The following VAC14 variants were observed in gnomAD, a reference collection of about 807,000 sequenced individuals.
VAC14 encodes the protein VAC14 component of PIKFYVE complex, also known as protein VAC14 homolog.
Under a neutral mutation model 85.3 loss-of-function variants are expected in VAC14, and 47 were observed. The observed-to-expected ratio is 0.55, with a 90% CI of 0.44 to 0.70. The LOEUF (loss-of-function observed/expected upper bound fraction) is 0.70, where lower values mean the gene tolerates loss of function less well. VAC14 is among the 30% of genes least tolerant of loss of function. The pLI is 0.00. For missense variants in VAC14, 861 were observed against 1,004.3 expected (o/e 0.86, Z 1.93); for synonymous variants, 447 against 430.5 (o/e 1.04, Z -0.47).
intron 14 of VAC14, among the ~76,000 whole-genome samples, chr16:70,725,135 C>G (rs947049062): frequency 1.3e-5 from 2 of 152,278 alleles, no homozygotes; most frequent in African/African-American, 4.8e-5. Context: ...TCCATTAGCA[C>G]CAGCACAATG....
chr16:70,731,347 A>C, intron 14 of VAC14, 148 bp downstream of exon 14: 1 of 1,490,996 alleles, frequency 6.7e-7, no homozygotes, highest in Non-Finnish European at 8.9e-7. Flanking sequence ...TGAAGGGGCA[A>C]CCTTCTTCAT....
Position 70,731,132 on chromosome 16 carries a change from G to T in VAC14, c.1661+363C>A, listed in dbSNP as rs183830737. 72 of 313,324 alleles carry T rather than the reference G, an allele frequency of 2.3e-4. No homozygotes were observed. In the East Asian group the frequency reaches 3.6e-3, roughly 15 times the overall value. 19.4% of individuals were successfully genotyped at this position (313,324 alleles called of 1,614,324 possible). On this transcript the variant is annotated intron_variant, in intron 14 of 18. Coordinates refer to ENST00000261776, the MANE Select transcript of VAC14 (RefSeq NM_018052.5). ...CAAGCCTGGCTAAATCCCGCACTGG[G>T]GGCTGGGCCTGGAGCACAGCCCCAT... is the stretch of plus-strand genomic sequence containing the variant.
chr16:70,784,720 C>T, intron 4 of VAC14, 56 bp downstream of exon 4: 1 of 1,521,360 alleles, frequency 6.6e-7, no homozygotes, highest in Non-Finnish European at 9.1e-7. Flanking sequence ...CTAAGCTTTA[C>T]AGACAGACGG....
chr16:70,731,737 G>A, intron 13 of VAC14, 110 bp from the exon 14 acceptor site: 3 of 1,214,808 alleles, frequency 2.5e-6, no homozygotes, highest in Non-Finnish European at 3.3e-6. Context: ...GTGTGTGGGG[G>A]GTGTTATAAC....
chr16:70,710,127 CTGAA>C (rs2142995268), intron 14 of VAC14, among the ~76,000 whole-genome samples: 1 of 152,372 alleles, frequency 6.6e-6, no homozygotes, highest in Admixed American at 6.5e-5. Context: ...CAGGAAGGAA[CTGAA>C]GCCAAGGACT....
Position 70,785,397 on chromosome 16 carries a change from C to T in VAC14, c.423+305G>A, listed in dbSNP as rs117721552. On this transcript the variant is annotated intron_variant, in intron 3 of 18. Coordinates refer to ENST00000261776, the MANE Select transcript of VAC14 (RefSeq NM_018052.5). ...AGGGAAAGTACGGTCTGGATGATGG[C>T]GTCAGCATCATCCCCTTCTACCAGG... Among the ~76,000 whole-genome samples the T allele has an allele frequency of 6.7e-4, 102 of 152,334 alleles. 1 individual carries two copies. The East Asian group carries it at 0.019, about 29-fold the overall frequency.
intron 13 of VAC14, among the ~76,000 whole-genome samples, chr16:70,743,539 C>T (rs907952449): frequency 2.6e-5 from 4 of 152,150 alleles, no homozygotes; most frequent in African/African-American, 9.7e-5. Flanking sequence ...AGCAAGACCA[C>T]GAACCCACCG....
intron 1 of VAC14, among the ~76,000 whole-genome samples, chr16:70,788,308 G>C (rs1465881403): frequency 6.6e-6 from 1 of 152,208 alleles, no homozygotes; most frequent in East Asian, 1.9e-4. Flanking sequence ...CAATCATATG[G>C]AGCACCTATC....
Position 70,762,999 on chromosome 16 carries a change from T to C in VAC14, c.1187A>G (p.His396Arg). The change falls in exon 11 of 19, where the codon CAC (histidine) becomes CGC (arginine). Residue 396 changes from histidine (H) to arginine (R), a missense_variant. Coordinates refer to ENST00000261776, the MANE Select transcript of VAC14 (RefSeq NM_018052.5). The surrounding 1 kb of genome is among the most constrained non-coding windows in gnomAD (Gnocchi z 4.1). The part of the protein sequence containing the change: ...ASTERAPVTL[H>R]LDGIVQVLNC... ...TAGGACCTGCACGATCCCGTCGAGG[T>C]GAAGGGTCACTGGGGCTCTTTCAGT... 6.2e-7 allele frequency: 1 copy of C among 1,614,058 alleles called. No individual in the cohort carries two copies. Among genetic ancestry groups the C allele is most frequent in the Non-Finnish European group, 8.5e-7 (1 of 1,180,012 alleles).
At chr16:70,712,682 C>T (rs2054060642) in intron 14 of VAC14, among the ~76,000 whole-genome samples, 1 of 152,234 alleles carries the variant, frequency 6.6e-6, no homozygotes, top group African/African-American at 2.4e-5. Context: ...GAAGGAAACA[C>T]ACCAAGCTGA....
At chr16:70,749,164 T>C (rs1480339754) in intron 12 of VAC14, among the ~76,000 whole-genome samples, 1 of 152,220 alleles carries the variant, frequency 6.6e-6, no homozygotes, top group African/African-American at 2.4e-5. Flanking sequence ...TTCCAAGATT[T>C]CTGGTCCCAC....
At position 70,772,089 on chromosome 16, in the gene VAC14, G is replaced by A. The variant is rs1328353126; in HGVS notation, c.1160+20C>T. The A allele has an allele frequency of 1.9e-6, 3 of 1,612,952 alleles. No individual in the cohort carries two copies. Among genetic ancestry groups the A allele is most frequent in the Non-Finnish European group, 2.5e-6 (3 of 1,179,214 alleles). On this transcript the variant is annotated intron_variant, in intron 10 of 18. Transcript: ENST00000261776. ...GCCGCTCGCTTTCCACAAACCTTCT[G>A]GCTGAAACAAGCCACTTACCTGGCT...
chr16:70,711,365 C>G (rs530991458), intron 14 of VAC14, among the ~76,000 whole-genome samples: 7 of 152,280 alleles, frequency 4.6e-5, no homozygotes, highest in Non-Finnish European at 7.4e-5. Flanking sequence ...GGGCCTGGCT[C>G]GGCCTTGGAG....
In VAC14 at chr16:70,748,633, C is replaced by A. The variant is rs1001665205; in HGVS notation, c.1372-4054G>T. Reference sequence around the variant, plus strand: ...CCAGAAATCAGGCCAAAGTGGTAGGCAGGGCCAGATCTTCAAGAGCTCATG... The same window carrying A: ...CCAGAAATCAGGCCAAAGTGGTAGGAAGGGCCAGATCTTCAAGAGCTCATG... On this transcript the variant is annotated intron_variant, in intron 12 of 18. Transcript: ENST00000261776. 2.9e-4 allele frequency among the ~76,000 whole-genome samples: 44 copies of A among 152,198 alleles called. 2 individuals carry two copies. The highest frequency in any genetic ancestry group is 5.9e-5 in the Non-Finnish European group (4 of 68,036).
rs1441217786 is a variant in VAC14 at position 70,767,180 on chromosome 16, G to A, written c.1161-4155C>T. ...GCGTACTACAGTTTCCAAATGCATG[G>A]CGCTGCTGTGACTATTAAAATATAG... On this transcript the variant is annotated intron_variant, in intron 10 of 18. Coordinates refer to ENST00000261776, the MANE Select transcript of VAC14 (RefSeq NM_018052.5). Among the ~76,000 whole-genome samples, 3 of 152,248 alleles carry A rather than the reference G, an allele frequency of 2.0e-5. No homozygotes were observed. In the South Asian group the frequency reaches 6.2e-4, roughly 32 times the overall value.
chr16:70,704,257 G>A (rs1271512827), intron 14 of VAC14, among the ~76,000 whole-genome samples: 2 of 152,248 alleles, frequency 1.3e-5, no homozygotes, highest in Non-Finnish European at 2.9e-5. Context: ...CACGCCCTAA[G>A]GTCATGTGGT....
intron 14 of VAC14, among the ~76,000 whole-genome samples, chr16:70,722,101 C>T (rs1482374427): frequency 6.6e-6 from 1 of 152,214 alleles, no homozygotes; most frequent in East Asian, 1.9e-4. Flanking sequence ...ATGACGAGGA[C>T]AACGGCAAAT....
chr16:70,745,769 T>G (rs1760681484), intron 12 of VAC14, among the ~76,000 whole-genome samples: 1 of 152,188 alleles, frequency 6.6e-6, no homozygotes. Flanking sequence ...ACTGGGTGGT[T>G]GCCTGTGCCT....
intron 18 of VAC14, chr16:70,690,978 T>A: frequency 1.0e-6 from 1 of 985,094 alleles, no homozygotes; most frequent in Non-Finnish European, 1.2e-6. Flanking sequence ...CTGGGCTTGC[T>A]GGAGGTCACA....
Sources: gnomAD v4.1 joint callset for allele counts (sites outside exome capture counted in the v4.1 genomes callset) on GRCh38, gnomAD v4.1.1 for gene constraint, Gnocchi (gnomAD v3.1) non-coding constraint, MANE v1.5 for transcripts, NCBI Gene and HGNC (gene_info 2026-07-23, HGNC 2026-07-21) for gene names.